The following CDC5L variants were observed in gnomAD, a reference collection of about 807,000 sequenced individuals.
CDC5L encodes the protein cell division cycle 5-like protein.
CDC5L carries 18 observed loss-of-function variants against 104.1 expected under a neutral mutation model. The ratio of observed to expected loss-of-function variants is 0.17; its 90% CI spans 0.12 to 0.26. CDC5L has a LOEUF of 0.26. CDC5L is among the 10% of genes least tolerant of loss of function. The pLI is 1.00. For missense variants in CDC5L, 673 were observed against 956.9 expected, an observed-to-expected ratio of 0.70 and a Z score of 3.91; for synonymous variants, 331 against 322.7, an observed-to-expected ratio of 1.03 and a Z score of -0.28.
At chr6:44,392,177 G>A (rs1254704226) in intron 2 of CDC5L, among the ~76,000 whole-genome samples, 1 of 152,180 alleles carries the variant, frequency 6.6e-6, no homozygotes, top group Admixed American at 6.5e-5. Context: ...GAAAGACAGA[G>A]GGAATGTCAT....
At chr6:44,426,021 A>G in intron 11 of CDC5L, 82 bp from the exon 12 acceptor site, 2 of 897,664 alleles carry the variant, frequency 2.2e-6, no homozygotes, top group Non-Finnish European at 3.5e-6. Context: ...ACATGATCTT[A>G]CATACCAAAG....
At position 44,429,757 on chromosome 6, in the gene CDC5L, A is replaced by G; in HGVS notation, c.1938A>G (p.Gly646=). 2 of 1,614,114 alleles carry G rather than the reference A, an allele frequency of 1.2e-6. No individual in the cohort carries two copies. The highest frequency in any genetic ancestry group is 1.7e-6 in the Non-Finnish European group (2 of 1,179,964). ...LVQEMEVVKQ[G]MSHGELSSEA... ...AGGAGATGGAAGTGGTTAAACAAGG[A>G]ATGAGCCATGGAGAGCTCTCAAGTG... Residue 646 remains glycine, a synonymous_variant, in exon 14 of 16, where the codon GGA becomes GGG. Coordinates refer to ENST00000371477, the MANE Select transcript of CDC5L (RefSeq NM_001253.4).
intron 8 of CDC5L, among the ~76,000 whole-genome samples, chr6:44,412,749 A>G (rs1235904488): frequency 6.6e-6 from 1 of 151,116 alleles, no homozygotes; most frequent in Admixed American, 6.6e-5. Flanking sequence ...CGAGTTGTAT[A>G]ACCATCACCA....
chr6:44,431,389 A>AT (rs1231069974), intron 14 of CDC5L, among the ~76,000 whole-genome samples: 3 of 152,118 alleles, frequency 2.0e-5, no homozygotes, highest in Admixed American at 2.0e-4. Flanking sequence ...TGTAAGTTAC[A>AT]TTTTTTTGTT....
At chr6:44,414,222 G>C (rs1430183723) in intron 8 of CDC5L, among the ~76,000 whole-genome samples, 2 of 152,098 alleles carry the variant, frequency 1.3e-5, no homozygotes, top group Admixed American at 1.3e-4. Flanking sequence ...TGGGACTACA[G>C]GTGTGCACCA....
Position 44,445,808 on chromosome 6 carries a change from T to C in CDC5L, c.2245T>C (p.Leu749=), listed in dbSNP as rs1793425414. ...CCAAATTGAACAGGCTCACTTGGAG[T>C]TACGCACTTTTGAAGAACTCAAGAA... The part of the protein sequence containing the change: ...WDQIEQAHLE[L]RTFEELKKHE... The change falls in exon 15 of 16, where the codon TTA becomes CTA. Residue 749 remains leucine (L), a synonymous_variant. Transcript: ENST00000371477. 1.2e-6 allele frequency: 2 copies of C among 1,613,978 alleles called. No homozygotes were observed. Among genetic ancestry groups the C allele is most frequent in the Middle Eastern group, 1.7e-4 (1 of 6,058 alleles).
rs541739795 is a variant in CDC5L at position 44,427,849 on chromosome 6, T to G, written c.1893+1125T>G. 7.6e-4 allele frequency among the ~76,000 whole-genome samples: 116 copies of G among 152,336 alleles called. 1 individual carries two copies. The Middle Eastern group carries it at 0.01, about 13-fold the overall frequency. ...GAAGAGGAATTTAGGAAATAAATTT[T>G]CCTAAATTGTATGTATGGAAACCTA... On this transcript the variant is annotated intron_variant, in intron 13 of 15. Coordinates refer to ENST00000371477, the MANE Select transcript of CDC5L (RefSeq NM_001253.4).
Position 44,446,876 on chromosome 6 carries a change from T to G in CDC5L, c.*165T>G, listed in dbSNP as rs1433100270. ...CTTACACATTCTGTGTATAAAGACC[T>G]TAACTCCACAGGACGGACATTTTAG... On this transcript the variant is annotated 3_prime_UTR_variant, in exon 16 of 16. Coordinates refer to ENST00000371477, the MANE Select transcript of CDC5L (RefSeq NM_001253.4). 7.0e-6 allele frequency: 3 copies of G among 426,846 alleles called. No homozygotes were observed. The highest frequency in any genetic ancestry group is 2.1e-5 in the African/African-American group (1 of 48,668). 26.4% of individuals were successfully genotyped at this position (426,846 alleles called of 1,614,324 possible). A position where few individuals can be genotyped will look rare whatever the true frequency, so the allele number is the denominator to read the frequency against.
chr6:44,395,429 A>G (rs9472274), intron 4 of CDC5L, among the ~76,000 whole-genome samples: 2,597 of 152,320 alleles, frequency 0.017, 79 homozygotes, highest in African/African-American at 0.057. Flanking sequence ...TGTGCCACCT[A>G]TTAGCTGTTT....
At chr6:44,443,172 TATATC>T (rs1442290502) in intron 14 of CDC5L, among the ~76,000 whole-genome samples, 1 of 151,732 alleles carries the variant, frequency 6.6e-6, no homozygotes, top group Admixed American at 6.6e-5. Flanking sequence ...TATTTTTAAA[TATATC>T]ATCCCACTCC....
chr6:44,432,191 A>G (rs866108871), intron 14 of CDC5L, among the ~76,000 whole-genome samples: 10 of 152,198 alleles, frequency 6.6e-5, no homozygotes, highest in East Asian at 3.8e-4. Flanking sequence ...ACACAGTTCT[A>G]TTGGTTTGAA....
chr6:44,419,610 AAC>A lies in CDC5L; in HGVS notation c.1241+16_1241+17del. On this transcript the variant is annotated intron_variant, in intron 9 of 15. Coordinates refer to ENST00000371477, the MANE Select transcript of CDC5L (RefSeq NM_001253.4). ...CTACTCCATTCAGGTATTGTAAATG[AAC>A]ACGTTTTTATTTTAGAAAAACTTGA... The A allele has an allele frequency of 4.4e-6, 7 of 1,604,886 alleles. No individual in the cohort carries two copies. Among genetic ancestry groups the A allele is most frequent in the Non-Finnish European group, 5.1e-6 (6 of 1,172,586 alleles).
chr6:44,406,328 A>G lies in CDC5L; in HGVS notation c.764A>G (p.Lys255Arg), dbSNP rs767477315. 15 of 1,600,298 alleles carry G rather than the reference A, an allele frequency of 9.4e-6. No homozygotes were observed. The highest frequency in any genetic ancestry group is 1.0e-5 in the Non-Finnish European group (12 of 1,172,388). ...TCTACTTTGATCCATGACAGTGAAA[A>G]AGAAGGAAGAGATAGAAAAAAAGAC... is the stretch of plus-strand genomic sequence containing the variant. ...QDLDGELRSE[K>R]EGRDRKKDKQ... The change falls in exon 7 of 16, where the codon AAA (lysine) becomes AGA (arginine). Residue 255 changes from lysine (K) to arginine (R), a missense_variant. Physicochemically the swap from Lys to Arg is conservative, Grantham distance 26 (BLOSUM62 2). Around this residue, in one of 4 missense-constraint regions of CDC5L, gnomAD observed 578 missense variants for 737.0 expected, o/e 0.78. Coordinates refer to ENST00000371477, the MANE Select transcript of CDC5L (RefSeq NM_001253.4).
At chr6:44,408,382 G>A (rs576571561) in intron 7 of CDC5L, 62 bp from the exon 8 acceptor site, 3 of 1,327,078 alleles carry the variant, frequency 2.3e-6, no homozygotes, top group Non-Finnish European at 3.2e-6. Flanking sequence ...GATTACAAGT[G>A]TGAGCCACTG....
In CDC5L at chr6:44,412,886, C is replaced by T. The variant is rs1237323354; in HGVS notation, c.1092+4254C>T. Reference sequence around the variant, plus strand: ...CAAGCTCCGCCTCCCGGGTTCACGCCATTCTCCTGCCTCAGCCTCCCAAGT... The same window carrying T: ...CAAGCTCCGCCTCCCGGGTTCACGCTATTCTCCTGCCTCAGCCTCCCAAGT... On this transcript the variant is annotated intron_variant, in intron 8 of 15. Coordinates refer to ENST00000371477, the MANE Select transcript of CDC5L (RefSeq NM_001253.4). Among the ~76,000 whole-genome samples the T allele has an allele frequency of 4.0e-5, 6 of 149,084 alleles. No individual in the cohort carries two copies. The East Asian group carries it at 1.2e-3, about 29-fold the overall frequency.
At chr6:44,412,017 A>G (rs1791665076) in intron 8 of CDC5L, among the ~76,000 whole-genome samples, 1 of 152,200 alleles carries the variant, frequency 6.6e-6, no homozygotes, top group Admixed American at 6.5e-5. Context: ...GAATACAGAC[A>G]GGAATCCACT....
At chr6:44,440,221 C>T (rs1418404635) in intron 14 of CDC5L, among the ~76,000 whole-genome samples, 1 of 151,682 alleles carries the variant, frequency 6.6e-6, no homozygotes, top group Non-Finnish European at 1.5e-5. Flanking sequence ...CTGCCTCCAC[C>T]TCCCATGGGC....
intron 14 of CDC5L, among the ~76,000 whole-genome samples, chr6:44,434,840 G>A (rs2153383019): frequency 6.6e-6 from 1 of 152,158 alleles, no homozygotes; most frequent in South Asian, 2.1e-4. Context: ...AATGACCCGA[G>A]GAAACACTTA....
chr6:44,436,257 G>A (rs1792933313), intron 14 of CDC5L, among the ~76,000 whole-genome samples: 1 of 152,160 alleles, frequency 6.6e-6, no homozygotes, highest in South Asian at 2.1e-4. Flanking sequence ...ATACTATGAG[G>A]TATTAGGAAC....
Sources: gnomAD v4.1 joint callset for allele counts (sites outside exome capture counted in the v4.1 genomes callset) on GRCh38, gnomAD v4.1.1 for gene constraint, gnomAD v4.1.1 regional missense constraint, MANE v1.5 for transcripts, NCBI Gene and HGNC (gene_info 2026-07-23, HGNC 2026-07-21) for gene names.